Variants in ELAPOR1 observed in about 807,000 individuals in gnomAD.
The protein encoded by ELAPOR1 is endosome/lysosome-associated apoptosis and autophagy regulator 1.
A neutral mutation model predicts 119.7 loss-of-function variants in ELAPOR1; 77 were observed. The ratio of observed to expected loss-of-function variants is 0.64; its 90% confidence interval spans 0.54 to 0.78. ELAPOR1 has a LOEUF of 0.78. ELAPOR1 is among the 30% of genes least tolerant of loss of function. The pLI is 0.00. For missense variants in ELAPOR1, 1,115 were observed against 1,270.4 expected, an observed-to-expected ratio of 0.88 and a Z score of 1.86; for synonymous variants, 481 against 487.2, an observed-to-expected ratio of 0.99 and a Z score of 0.17.
At chr1:109,144,059 A>ATTTTTTTTTTTTTTTTTTT (rs1243626258) in intron 1 of ELAPOR1, among the ~76,000 whole-genome samples, 2 of 34,408 alleles carry the variant, frequency 5.8e-5, no homozygotes, top group Non-Finnish European at 1.4e-4. Flanking sequence ...ATATATTTAT[A>ATTTTTTTTTTTTTTTTTTT]TATTTTTTTT....
At position 109,194,504 on chromosome 1, in the gene ELAPOR1, A is replaced by G; in HGVS notation, c.2031A>G (p.Ala677=). 6.2e-7 allele frequency: 1 copy of G among 1,613,932 alleles called. No homozygotes were observed. Among genetic ancestry groups the G allele is most frequent in the Non-Finnish European group, 8.5e-7 (1 of 1,179,760 alleles). ...RTFNYNFSAL[A]NTVTLAGGPS... ...TCAACTACAACTTCTCCGCTTTGGC[A>G]AACACTGTCACTCTTGCTGGAGGGC... is the stretch of plus-strand genomic sequence containing the variant. The change falls in exon 15 of 22, where the codon GCA becomes GCG. Residue 677 remains alanine (A), a synonymous_variant. Transcript: ENST00000369939.
rs758997087 is a variant in ELAPOR1 at position 109,188,285 on chromosome 1, C to G, written c.1150C>G (p.Pro384Ala). 6.2e-7 allele frequency: 1 copy of G among 1,614,056 alleles called. No homozygotes were observed. The highest frequency in any genetic ancestry group is 8.5e-7 in the Non-Finnish European group (1 of 1,180,014). The change falls in exon 9 of 22, where the codon CCA (proline) becomes GCA (alanine). Residue 384 changes from proline to alanine, a missense_variant. Coordinates refer to ENST00000369939, the MANE Select transcript of ELAPOR1 (RefSeq NM_020775.5). ...GAAGACCCACTGCCCACCCTGCAAC[C>G]CAGGCTTCTTCAAAACCAACAACAG... ...GVKTHCPPCN[P>A]GFFKTNNSTC...
At chr1:109,195,251 T>C (rs1393296936) in intron 15 of ELAPOR1, among the ~76,000 whole-genome samples, 2 of 152,126 alleles carry the variant, frequency 1.3e-5, no homozygotes, top group East Asian at 3.9e-4. Flanking sequence ...CCCAGCACTT[T>C]GGGAGGCCTA....
rs1050329124 is a variant in ELAPOR1, at chr1:109,200,339, G to A, written c.2807+102G>A. The stretch of plus-strand genomic sequence containing the variant: ...TTAATGGGGTTTTTCTCTGGAGTTG[G>A]CTACAGACTCTGTGACTTATCCAGT... On this transcript the variant is annotated intron_variant, in intron 20 of 21. Transcript: ENST00000369939. The A allele has an allele frequency of 4.4e-6, 6 of 1,361,212 alleles. No homozygotes were observed. In the African/African-American group the frequency reaches 8.6e-5, roughly 20 times the overall value. The allele number at this position is 1,361,212 out of a possible 1,614,324, so 84.3% of individuals were successfully genotyped here.
intron 1 of ELAPOR1, among the ~76,000 whole-genome samples, chr1:109,132,859 A>G (rs1398002621): frequency 6.6e-6 from 1 of 152,194 alleles, no homozygotes; most frequent in East Asian, 1.9e-4. Context: ...CCCTATCTAC[A>G]AGGACTTCGG....
intron 14 of ELAPOR1, 30 bp from the exon 15 acceptor site, chr1:109,194,391 G>A: frequency 6.2e-7 from 1 of 1,603,620 alleles, no homozygotes; most frequent in Non-Finnish European, 8.5e-7. Context: ...TTCCTGACCA[G>A]CTGGCCCGAC....
rs1432387060 is a variant in ELAPOR1, at chr1:109,199,837, C to A, written c.2502-17C>A. 4 of 1,608,698 alleles carry A rather than the reference C, an allele frequency of 2.5e-6. No individual in the cohort carries two copies. Among genetic ancestry groups the A allele is most frequent in the Non-Finnish European group, 3.4e-6 (4 of 1,179,972 alleles). On this transcript the variant is annotated splice_polypyrimidine_tract_variant and intron_variant, in intron 18 of 21. Coordinates refer to ENST00000369939, the MANE Select transcript of ELAPOR1 (RefSeq NM_020775.5). Reference sequence around the variant, plus strand: ...CTCCAGCGAGTGAGAGCTCAGGTCTCTTTTCTGCTTTGCTAGAACGTGCTC... The same window carrying A: ...CTCCAGCGAGTGAGAGCTCAGGTCTATTTTCTGCTTTGCTAGAACGTGCTC...
At chr1:109,139,900 T>A (rs944159024) in intron 1 of ELAPOR1, among the ~76,000 whole-genome samples, 2 of 152,064 alleles carry the variant, frequency 1.3e-5, no homozygotes. Context: ...CCCTCCCAAG[T>A]AGCTGGGACC....
chr1:109,200,298 T>C (rs1169072376), intron 20 of ELAPOR1, 61 bp downstream of exon 20: 1 of 1,559,084 alleles, frequency 6.4e-7, no homozygotes, highest in Non-Finnish European at 8.8e-7. Context: ...TCAGGGAGAA[T>C]ATCTGAAAGT....
intron 17 of ELAPOR1, 75 bp from the exon 18 acceptor site, chr1:109,198,498 C>A: frequency 7.5e-7 from 1 of 1,333,350 alleles, no homozygotes; most frequent in East Asian, 2.4e-5. Context: ...TTGCTCCATG[C>A]GGATTTCTCT....
chr1:109,200,720 C>A lies in ELAPOR1; in HGVS notation c.2808-15C>A, dbSNP rs1187688140. On this transcript the variant is annotated splice_polypyrimidine_tract_variant and intron_variant, in intron 20 of 21. Transcript: ENST00000369939. ...CATTTTGGGATCTTGTCTTTCCCAT[C>A]CTCCTGTTTTATAGACTAGAGTACA... 4 of 1,608,834 alleles carry A rather than the reference C, an allele frequency of 2.5e-6. No homozygotes were observed. In the Admixed American group the frequency reaches 5.1e-5, roughly 20 times the overall value.
Position 109,192,795 on chromosome 1 carries a change from C to G in ELAPOR1, c.1868C>G (p.Thr623Ser), listed in dbSNP as rs746930570. The G allele has an allele frequency of 1.2e-6, 2 of 1,613,968 alleles. No homozygotes were observed. Among genetic ancestry groups the G allele is most frequent in the Admixed American group, 1.7e-5 (1 of 59,992 alleles). The change falls in exon 14 of 22, where the codon ACT (threonine) becomes AGT (serine). Residue 623 changes from threonine (T) to serine (S), a missense_variant. Physicochemically the swap from Thr to Ser is moderately conservative, Grantham distance 58. Coordinates refer to ENST00000369939, the MANE Select transcript of ELAPOR1 (RefSeq NM_020775.5). ...TCAGGAACCTGCCACTCCTGCCCCA[C>G]TAACACAATTCTGAAAGCCCACCAG... The part of the protein sequence containing the change: ...RDSGTCHSCP[T>S]NTILKAHQPY...
intron 1 of ELAPOR1, among the ~76,000 whole-genome samples, chr1:109,136,872 T>C (rs1052437473): frequency 3.9e-5 from 6 of 152,134 alleles, no homozygotes; most frequent in Admixed American, 1.3e-4. Flanking sequence ...GTGAGTCAAA[T>C]AATTTACCAT....
chr1:109,194,075 T>G (rs544549754), intron 14 of ELAPOR1, among the ~76,000 whole-genome samples: 44 of 152,316 alleles, frequency 2.9e-4, no homozygotes, highest in Non-Finnish European at 4.7e-4. Flanking sequence ...TTCTGGTTAG[T>G]GCCTCATTGT....
chr1:109,146,268 C>T (rs1429095894), intron 1 of ELAPOR1, among the ~76,000 whole-genome samples: 1 of 151,780 alleles, frequency 6.6e-6, no homozygotes, highest in Admixed American at 6.6e-5. Flanking sequence ...TGCAGTGAGC[C>T]GAAATTGAGT....
chr1:109,162,417 C>T (rs909786163), intron 2 of ELAPOR1, among the ~76,000 whole-genome samples: 1 of 152,166 alleles, frequency 6.6e-6, no homozygotes, highest in Non-Finnish European at 1.5e-5. Context: ...AAAAGGAAGT[C>T]AGAGAGGCTA....
At chr1:109,179,262 C>A (rs1458923063) in intron 7 of ELAPOR1, among the ~76,000 whole-genome samples, 1 of 150,864 alleles carries the variant, frequency 6.6e-6, no homozygotes, top group Non-Finnish European at 1.5e-5. Flanking sequence ...ATTGGCCGGG[C>A]ATGGTGGCGG....
At position 109,188,132 on chromosome 1, in the gene ELAPOR1, C is replaced by A. The variant is rs539126228; in HGVS notation, c.1042-45C>A. The A allele has an allele frequency of 1.0e-5, 16 of 1,559,212 alleles. No individual in the cohort carries two copies. The South Asian group carries it at 1.3e-4, about 13-fold the overall frequency. ...CCTCAAGGTAGAGTCCCAAAGATGT[C>A]CTAAATCTCACACAGGCTGAGTTGT... On this transcript the variant is annotated intron_variant, in intron 8 of 21. Coordinates refer to ENST00000369939, the MANE Select transcript of ELAPOR1 (RefSeq NM_020775.5).
intron 4 of ELAPOR1, 133 bp from the exon 5 acceptor site, chr1:109,172,355 G>A: frequency 1.5e-6 from 1 of 676,976 alleles, no homozygotes; most frequent in Non-Finnish European, 2.6e-6. Context: ...TGTGTTTTGA[G>A]CTCAATCCCT....
Sources: allele counts gnomAD v4.1 joint callset (sites outside exome capture counted in the v4.1 genomes callset), GRCh38; gene constraint gnomAD v4.1.1; transcripts MANE v1.5; gene names NCBI Gene and HGNC (gene_info 2026-07-23, HGNC 2026-07-21).